The following SLC41A2 variants were observed in gnomAD, a reference collection of about 807,000 sequenced individuals.
SLC41A2 encodes the protein SLC41A1-like 1.
In SLC41A2, 32 loss-of-function variants were observed where a neutral mutation model predicts 58.3. The ratio of observed to expected loss-of-function variants is 0.55; its 90% confidence interval spans 0.41 to 0.74. The LOEUF (loss-of-function observed/expected upper bound fraction) is 0.74. Ranked by LOEUF, SLC41A2 falls within the 30% of genes least tolerant of loss-of-function variation. SLC41A2 has a pLI of 0.00. For missense variants in SLC41A2, 514 were observed against 680.6 expected (o/e 0.76, Z 2.72); for synonymous variants, 190 against 235.0 (o/e 0.81, Z 1.75).
chr12:104,938,374 T>C (rs534946756), intron 1 of SLC41A2, among the ~76,000 whole-genome samples: 12 of 152,324 alleles, frequency 7.9e-5, no homozygotes, highest in African/African-American at 2.9e-4. Context: ...TTATTATTAC[T>C]CCCCGTTATT....
At chr12:104,843,359 T>A (rs1258020960) in intron 10 of SLC41A2, among the ~76,000 whole-genome samples, 8 of 152,002 alleles carry the variant, frequency 5.3e-5, no homozygotes, top group African/African-American at 1.9e-4. Flanking sequence ...TGACTTTTAG[T>A]AAAATCTAAG....
At chr12:104,832,147 C>G (rs2042059765) in intron 10 of SLC41A2, among the ~76,000 whole-genome samples, 1 of 152,122 alleles carries the variant, frequency 6.6e-6, no homozygotes, top group African/African-American at 2.4e-5. Context: ...ACTATTAACC[C>G]AAGATTCTCA....
chr12:104,863,733 T>C (rs1237490167), intron 7 of SLC41A2, among the ~76,000 whole-genome samples: 1 of 152,174 alleles, frequency 6.6e-6, no homozygotes, highest in Non-Finnish European at 1.5e-5. Context: ...GCTAATCTGG[T>C]TATAATTTCT....
chr12:104,898,260 G>A (rs936502642), intron 3 of SLC41A2, among the ~76,000 whole-genome samples: 9 of 152,050 alleles, frequency 5.9e-5, no homozygotes, highest in African/African-American at 1.7e-4. Flanking sequence ...ATGCCTTTAG[G>A]TGGAATCTGC....
chr12:104,890,638 C>G (rs12316384), intron 4 of SLC41A2, among the ~76,000 whole-genome samples: 2,215 of 152,164 alleles, frequency 0.015, 69 homozygotes, highest in African/African-American at 0.05. Flanking sequence ...ACTAATTGTA[C>G]CCAAGAGAAA....
In SLC41A2 at chr12:104,895,329, A is replaced by G. The variant is rs901266075; in HGVS notation, c.680T>C (p.Met227Thr). The change falls in exon 4 of 11, where the codon ATG (methionine) becomes ACG (threonine). Residue 227 changes from methionine to threonine, a missense_variant. Physicochemically the swap from Met to Thr is moderately conservative, Grantham distance 81. Around this residue, in one of 3 missense-constraint regions of SLC41A2, gnomAD observed 336 missense variants for 430.0 expected, o/e 0.78. Transcript: ENST00000258538. ...GTTCCACTTTTCAATGGGTGAATCC[A>G]TCTTCCCAATATTTACCTGTTAAAG... is the stretch of plus-strand genomic sequence containing the variant. Reference protein sequence around the residue: ...RLSTAVNIGKMDSPIEKWNLI... With the variant: ...RLSTAVNIGKTDSPIEKWNLI... The G allele has an allele frequency of 3.7e-6, 6 of 1,612,850 alleles. No homozygotes were observed. Among genetic ancestry groups the G allele is most frequent in the East Asian group, 2.2e-5 (1 of 44,744 alleles).
chr12:104,813,341 A>T (rs1359809130), intron 10 of SLC41A2, among the ~76,000 whole-genome samples: 1 of 152,174 alleles, frequency 6.6e-6, no homozygotes, highest in Non-Finnish European at 1.5e-5. Context: ...AAGTCATAGT[A>T]ATAAAACAAT....
chr12:104,915,485 AT>A (rs2046273573), intron 2 of SLC41A2, among the ~76,000 whole-genome samples: 1 of 152,180 alleles, frequency 6.6e-6, no homozygotes, highest in South Asian at 2.1e-4. Context: ...GGTCCTTCAC[AT>A]CCCTTATAAG....
chr12:104,877,730 G>A (rs980490528), intron 6 of SLC41A2, among the ~76,000 whole-genome samples: 4 of 152,136 alleles, frequency 2.6e-5, no homozygotes, highest in African/African-American at 7.2e-5. Flanking sequence ...GGGGCGTGGT[G>A]GCTCACGCCT....
rs188323712 is a variant in SLC41A2 at position 104,900,592 on chromosome 12, G to A, written c.664-5247C>T. On this transcript the variant is annotated intron_variant, in intron 3 of 10. Coordinates refer to ENST00000258538, the MANE Select transcript of SLC41A2 (RefSeq NM_001352171.3). ...AACCTAGTTGACTATAACAGTTTTC[G>A]ATTATACATAAGTAGTTCTACTCCA... Among the ~76,000 whole-genome samples, 39 of 152,236 alleles carry A rather than the reference G, an allele frequency of 2.6e-4. 1 individual carries two copies. Among genetic ancestry groups the A allele is most frequent in the African/African-American group, 8.4e-4 (35 of 41,546 alleles).
chr12:104,930,552 T>C (rs892859152), intron 1 of SLC41A2, among the ~76,000 whole-genome samples: 1 of 152,188 alleles, frequency 6.6e-6, no homozygotes, highest in Admixed American at 6.5e-5. Flanking sequence ...CCAAAGAGAT[T>C]GAGCTATAAG....
At chr12:104,898,519 A>T (rs1169017006) in intron 3 of SLC41A2, among the ~76,000 whole-genome samples, 1 of 151,918 alleles carries the variant, frequency 6.6e-6, no homozygotes, top group East Asian at 1.9e-4. Flanking sequence ...GCATTATTTT[A>T]AAAAACATGT....
intron 3 of SLC41A2, among the ~76,000 whole-genome samples, chr12:104,897,142 TTC>T (rs2045325856): frequency 8.1e-6 from 1 of 123,888 alleles, no homozygotes. Context: ...CTTTTCTTTT[TTC>T]TTTTTTTTTT....
At chr12:104,893,682 A>T (rs2045130460) in intron 4 of SLC41A2, among the ~76,000 whole-genome samples, 1 of 152,266 alleles carries the variant, frequency 6.6e-6, no homozygotes, top group Non-Finnish European at 1.5e-5. Flanking sequence ...GCCATAAAAA[A>T]GAATGATATC....
intron 8 of SLC41A2, among the ~76,000 whole-genome samples, chr12:104,855,029 A>G (rs1001217438): frequency 1.3e-5 from 2 of 151,966 alleles, no homozygotes; most frequent in African/African-American, 4.8e-5. Flanking sequence ...TGCATCCTTG[A>G]TCTTTCCTTC....
intron 1 of SLC41A2, among the ~76,000 whole-genome samples, chr12:104,932,764 TA>T (rs2047114920): frequency 6.9e-6 from 1 of 144,856 alleles, no homozygotes; most frequent in Admixed American, 6.8e-5. Context: ...AAGAAGCACA[TA>T]AAAACATAAA....
intron 10 of SLC41A2, among the ~76,000 whole-genome samples, chr12:104,811,894 C>T (rs971159090): frequency 1.3e-5 from 2 of 152,180 alleles, no homozygotes; most frequent in African/African-American, 4.8e-5. Flanking sequence ...AGATTACTTA[C>T]ATGTCTGTGT....
chr12:104,892,941 G>A (rs1593087768), intron 4 of SLC41A2, among the ~76,000 whole-genome samples: 2 of 152,180 alleles, frequency 1.3e-5, no homozygotes, highest in East Asian at 3.9e-4. Flanking sequence ...ATTGGTATGG[G>A]CAAAAATTTA....
chr12:104,844,483 C>A lies in SLC41A2; in HGVS notation c.1525G>T (p.Ala509Ser), dbSNP rs778553782. 2.7e-6 allele frequency: 4 copies of A among 1,486,382 alleles called. No individual in the cohort carries two copies. The highest frequency in any genetic ancestry group is 3.1e-5 in the South Asian group (2 of 65,178). 92.1% of individuals were successfully genotyped at this position (1,486,382 alleles called of 1,614,324 possible). ...GTTTTAACTCTTACCTGTAACACAG[C>A]GCCAAATAAATACACTACTATGAAG... Reference protein sequence around the residue: ...IIFIVVYLFGAVLQVFTLLWI... With the variant: ...IIFIVVYLFGSVLQVFTLLWI... Residue 509 changes from alanine (A) to serine (S), a missense_variant, in exon 10 of 11, where the codon GCT becomes TCT. Around this residue, in one of 3 missense-constraint regions of SLC41A2, gnomAD observed 128 missense variants for 146.0 expected, o/e 0.88. Transcript: ENST00000258538.
Sources: allele counts gnomAD v4.1 joint callset (sites outside exome capture counted in the v4.1 genomes callset), GRCh38; gene constraint gnomAD v4.1.1; regional missense constraint gnomAD v4.1.1; transcripts MANE v1.5; gene names NCBI Gene and HGNC (gene_info 2026-07-23, HGNC 2026-07-21).